The following ATP8B4 variants were observed in gnomAD, a reference collection of about 807,000 sequenced individuals.
The protein encoded by ATP8B4 is ATPase phospholipid transporting 8B4 (putative).
In ATP8B4, 133 loss-of-function variants were observed where a neutral mutation model predicts 145.6. The ratio of observed to expected loss-of-function variants is 0.91; its 90% CI spans 0.79 to 1.05. ATP8B4 has a LOEUF of 1.05. ATP8B4 is among the 50% of genes least tolerant of loss of function. The pLI is 0.00. For synonymous variants in ATP8B4, 507 were observed against 492.9 expected, an observed-to-expected ratio of 1.03 and a Z score of -0.38; for missense variants, 1,458 against 1,425.2, an observed-to-expected ratio of 1.02 and a Z score of -0.37.
intron 20 of ATP8B4, among the ~76,000 whole-genome samples, chr15:49,906,410 C>G (rs926261722): frequency 3.9e-5 from 6 of 152,170 alleles, no homozygotes; most frequent in African/African-American, 1.4e-4. Flanking sequence ...ATTCTTTCCA[C>G]GTAATGACAG....
intron 6 of ATP8B4, among the ~76,000 whole-genome samples, chr15:50,038,554 A>G (rs2051016284): frequency 6.6e-6 from 1 of 152,242 alleles, no homozygotes; most frequent in Admixed American, 6.5e-5. Context: ...AAGGTACACC[A>G]AAGGAATCTG....
upstream of ATP8B4, chr15:50,119,237 A>G (rs2057235363): frequency 1.3e-5 from 2 of 152,286 alleles, no homozygotes; most frequent in African/African-American, 4.8e-5. Context: ...CTACTCTGAA[A>G]GCTTGAGGGA....
intron 3 of ATP8B4, among the ~76,000 whole-genome samples, chr15:50,062,661 T>C (rs2053109384): frequency 6.6e-6 from 1 of 152,148 alleles, no homozygotes; most frequent in African/African-American, 2.4e-5. Context: ...TTTCAGTACA[T>C]AACCTATAGA....
chr15:50,085,882 TA>T lies in ATP8B4; in HGVS notation c.29-11698del, dbSNP rs199924853. On this transcript the variant is annotated intron_variant, in intron 2 of 27. Transcript: ENST00000284509. The stretch of plus-strand genomic sequence containing the variant: ...AATAAACGTATCATATATATTTATA[TA>T]TTTATATATGATATATATCATATAT... Among the ~76,000 whole-genome samples the T allele has an allele frequency of 5.2e-3, 454 of 88,140 alleles. 13 individuals carry two copies. The East Asian group carries it at 0.095, about 18-fold the overall frequency. 57.8% of individuals were successfully genotyped at this position (88,140 alleles called of 152,430 possible).
At chr15:49,965,847 A>G (rs531684213) in intron 13 of ATP8B4, among the ~76,000 whole-genome samples, 1 of 152,138 alleles carries the variant, frequency 6.6e-6, no homozygotes, top group Non-Finnish European at 1.5e-5. Context: ...ACAAATAGGA[A>G]CAGCTCTGGT....
At chr15:49,933,698 A>C (rs12101847) in intron 15 of ATP8B4, among the ~76,000 whole-genome samples, 24,152 of 152,040 alleles carry the variant, frequency 0.16, 3,240 homozygotes, top group African/African-American at 0.37. Context: ...GCTTACAGTC[A>C]AATGTGGTGC....
At chr15:50,131,671 T>C (rs552513009) in intron 1 of ATP8B4, among the ~76,000 whole-genome samples, 2 of 151,512 alleles carry the variant, frequency 1.3e-5, no homozygotes, top group East Asian at 3.9e-4. Flanking sequence ...CACTAATATA[T>C]AAGCATTGAT....
At chr15:50,174,767 A>T (rs1218579471) in intron 1 of ATP8B4, among the ~76,000 whole-genome samples, 1 of 151,926 alleles carries the variant, frequency 6.6e-6, no homozygotes, top group African/African-American at 2.4e-5. Context: ...AATACCACCA[A>T]TCTTCACAGA....
intron 13 of ATP8B4, among the ~76,000 whole-genome samples, chr15:49,967,222 G>A (rs1041489708): frequency 3.3e-5 from 5 of 152,158 alleles, no homozygotes; most frequent in African/African-American, 4.8e-5. Context: ...TCCTGCAAAG[G>A]ATCACAACTG....
intron 1 of ATP8B4, among the ~76,000 whole-genome samples, chr15:50,125,065 A>C (rs561970016): frequency 1.3e-5 from 2 of 152,356 alleles, no homozygotes; most frequent in Admixed American, 1.3e-4. Context: ...TTCTTTGCAC[A>C]TAATGGGTAT....
intron 2 of ATP8B4, among the ~76,000 whole-genome samples, chr15:50,101,465 T>G (rs73400888): frequency 2.5e-3 from 386 of 151,996 alleles, no homozygotes; most frequent in African/African-American, 8.7e-3. Context: ...AAAAGAAACC[T>G]TAAAGCAACA....
intron 12 of ATP8B4, among the ~76,000 whole-genome samples, chr15:49,973,897 C>G (rs35096105): frequency 0.23 from 35,528 of 152,032 alleles, 4,537 homozygotes; most frequent in East Asian, 0.44. Context: ...GAGTTTAACA[C>G]TTTTTTCAAA....
intron 1 of ATP8B4, among the ~76,000 whole-genome samples, chr15:50,155,304 GTATATGTT>G (rs1471645365): frequency 2.6e-5 from 4 of 152,118 alleles, no homozygotes; most frequent in Admixed American, 6.5e-5. Flanking sequence ...GTGTATAGTT[GTATATGTT>G]TATATGTTTA....
At chr15:50,026,149 T>A (rs1158491539) in intron 6 of ATP8B4, among the ~76,000 whole-genome samples, 1 of 152,230 alleles carries the variant, frequency 6.6e-6, no homozygotes, top group Non-Finnish European at 1.5e-5. Flanking sequence ...TACTATCAAA[T>A]CCATCCTCAT....
intron 8 of ATP8B4, among the ~76,000 whole-genome samples, chr15:50,001,879 A>C (rs1932993267): frequency 6.6e-6 from 1 of 152,182 alleles, no homozygotes; most frequent in South Asian, 2.1e-4. Flanking sequence ...CAAAACAAGC[A>C]AAAACTTTTT....
At chr15:50,039,997 C>T (rs1293635705) in intron 5 of ATP8B4, among the ~76,000 whole-genome samples, 1 of 152,180 alleles carries the variant, frequency 6.6e-6, no homozygotes, top group African/African-American at 2.4e-5. Context: ...GACATGAAAA[C>T]TTCTTCCTAC....
chr15:50,080,836 G>T, intron 2 of ATP8B4, among the ~76,000 whole-genome samples: 1 of 152,174 alleles, frequency 6.6e-6, no homozygotes, highest in Non-Finnish European at 1.5e-5. Flanking sequence ...CTCATGGGCC[G>T]GGCGCAGTGG....
chr15:50,075,615 T>C (rs921681964), intron 2 of ATP8B4, among the ~76,000 whole-genome samples: 7 of 152,158 alleles, frequency 4.6e-5, no homozygotes, highest in African/African-American at 1.7e-4. Context: ...AGAACAATAT[T>C]GGACTGGTGT....
chr15:49,986,573 A>G (rs2046616416), intron 10 of ATP8B4, among the ~76,000 whole-genome samples: 1 of 152,234 alleles, frequency 6.6e-6, no homozygotes. Flanking sequence ...AACACTTTTA[A>G]GACTTTAATG....
Sources: allele counts gnomAD v4.1 joint callset (sites outside exome capture counted in the v4.1 genomes callset), GRCh38; gene constraint gnomAD v4.1.1; transcripts MANE v1.5; gene names NCBI Gene and HGNC (gene_info 2026-07-23, HGNC 2026-07-21).